Variants in HIVEP3 observed in about 807,000 individuals in gnomAD.
The protein encoded by HIVEP3 is HIVEP zinc finger 3, also known as transcription factor HIVEP3.
A neutral mutation model predicts 152.8 loss-of-function variants in HIVEP3; 49 were observed. The observed-to-expected ratio is 0.32, with a 90% CI of 0.26 to 0.41. The LOEUF is 0.41. Among genes scored for constraint, HIVEP3 ranks in the 10% least tolerant of loss-of-function variants. HIVEP3 has a pLI of 1.00. For synonymous variants in HIVEP3, 1,269 were observed against 1,289.0 expected (o/e 0.98, Z 0.33); for missense variants, 2,790 against 3,103.3 (o/e 0.90, Z 2.40).
At chr1:41,527,236 ACTCAC>A (rs372900259) in intron 5 of HIVEP3, among the ~76,000 whole-genome samples, 1,375 of 26,050 alleles carry the variant, frequency 0.053, 54 homozygotes, top group African/African-American at 0.19. Flanking sequence ...ACCCTCACAC[ACTCAC>A]CTCACACACA....
chr1:41,720,643 T>A (rs1347042304), intron 1 of HIVEP3, among the ~76,000 whole-genome samples: 1 of 152,134 alleles, frequency 6.6e-6, no homozygotes, highest in Non-Finnish European at 1.5e-5. Context: ...GTATGGAAGT[T>A]CCTCAACAAA....
chr1:42,026,337 A>G (rs1170289030), intron 1 of HIVEP3, among the ~76,000 whole-genome samples: 7 of 152,208 alleles, frequency 4.6e-5, no homozygotes, highest in South Asian at 2.1e-4. Context: ...ACTAAAGTCT[A>G]TATTTATTAG....
chr1:41,688,450 T>C (rs1646145418), intron 2 of HIVEP3, among the ~76,000 whole-genome samples: 1 of 152,220 alleles, frequency 6.6e-6, no homozygotes, highest in South Asian at 2.1e-4. Flanking sequence ...CCCACATCGG[T>C]CCCTCCCCAG....
intron 1 of HIVEP3, among the ~76,000 whole-genome samples, chr1:41,810,354 A>C (rs916440981): frequency 2.0e-5 from 3 of 152,238 alleles, no homozygotes; most frequent in African/African-American, 7.2e-5. Flanking sequence ...CTCCACAAGC[A>C]TCCTAGCATC....
intron 1 of HIVEP3, among the ~76,000 whole-genome samples, chr1:41,968,172 G>A (rs960134572): frequency 4.6e-5 from 7 of 151,902 alleles, no homozygotes; most frequent in African/African-American, 1.5e-4. Context: ...AACAGAAAAA[G>A]AGGGACTCCT....
rs1188262018 is a variant in HIVEP3 at position 41,613,247 on chromosome 1, C to A, written c.-522+15502G>T. ...GATTTCTTTCCAGAACAGGAACACA[C>A]CCCTGCCTTCCAGCCCAGGCCACTC... is the stretch of plus-strand genomic sequence containing the variant. On this transcript the variant is annotated intron_variant, in intron 3 of 8. Coordinates refer to ENST00000372583, the MANE Select transcript of HIVEP3 (RefSeq NM_024503.5). Among the ~76,000 whole-genome samples, 5 of 152,386 alleles carry A rather than the reference C, an allele frequency of 3.3e-5. No homozygotes were observed. The South Asian group carries it at 1.0e-3, about 32-fold the overall frequency.
At chr1:41,692,049 G>A (rs1451798346) in intron 2 of HIVEP3, among the ~76,000 whole-genome samples, 1 of 152,032 alleles carries the variant, frequency 6.6e-6, no homozygotes, top group African/African-American at 2.4e-5. Flanking sequence ...TCACCATGTT[G>A]GCCAGGCTGG....
chr1:41,756,998 A>T (rs1046932364), intron 1 of HIVEP3, among the ~76,000 whole-genome samples: 2 of 151,976 alleles, frequency 1.3e-5, no homozygotes, highest in African/African-American at 4.8e-5. Context: ...TCCCAGCACT[A>T]TAGAGGGCAG....
At chr1:41,738,401 T>C (rs1180561741) in intron 1 of HIVEP3, among the ~76,000 whole-genome samples, 1 of 152,144 alleles carries the variant, frequency 6.6e-6, no homozygotes, top group East Asian at 1.9e-4. Flanking sequence ...CAATTCTACT[T>C]GGAGATGTAG....
At chr1:42,007,426 A>G (rs1645466301) in intron 1 of HIVEP3, among the ~76,000 whole-genome samples, 2 of 152,212 alleles carry the variant, frequency 1.3e-5, no homozygotes, top group Non-Finnish European at 2.9e-5. Flanking sequence ...ATGGGGGAAC[A>G]CCAGCTTTAC....
intron 1 of HIVEP3, among the ~76,000 whole-genome samples, chr1:41,746,937 G>A (rs1375257542): frequency 6.6e-6 from 1 of 152,126 alleles, no homozygotes; most frequent in Non-Finnish European, 1.5e-5. Flanking sequence ...AGCAAGTCAG[G>A]AGGGCCAGCA....
chr1:41,867,723 C>G (rs558140639), intron 1 of HIVEP3, among the ~76,000 whole-genome samples: 1 of 152,222 alleles, frequency 6.6e-6, no homozygotes, highest in Non-Finnish European at 1.5e-5. Context: ...CTCTCCACTA[C>G]GAGGTGCCAT....
chr1:41,563,131 G>C (rs539711017), intron 5 of HIVEP3, among the ~76,000 whole-genome samples: 2 of 152,086 alleles, frequency 1.3e-5, no homozygotes, highest in Non-Finnish European at 2.9e-5. Context: ...CGGATCACTT[G>C]AAGTCAGGAG....
chr1:41,758,077 CACAA>C (rs1362731063), intron 1 of HIVEP3, among the ~76,000 whole-genome samples: 2 of 152,086 alleles, frequency 1.3e-5, no homozygotes, highest in Admixed American at 6.6e-5. Context: ...AGTACACAAT[CACAA>C]ACAAAGTGGA....
At chr1:41,744,557 G>A (rs570545866) in intron 1 of HIVEP3, among the ~76,000 whole-genome samples, 1 of 152,284 alleles carries the variant, frequency 6.6e-6, no homozygotes, top group South Asian at 2.1e-4. Flanking sequence ...CTATGTTTTG[G>A]TATTTAATGT....
intron 1 of HIVEP3, among the ~76,000 whole-genome samples, chr1:41,764,090 C>T (rs557310342): frequency 1.4e-5 from 2 of 143,492 alleles, no homozygotes; most frequent in African/African-American, 2.5e-5. Flanking sequence ...GAAAAGCAGT[C>T]GGATATGAGA....
At chr1:41,893,056 G>T (rs750815097) in intron 1 of HIVEP3, among the ~76,000 whole-genome samples, 41 of 150,100 alleles carry the variant, frequency 2.7e-4, no homozygotes, top group Non-Finnish European at 5.3e-4. Flanking sequence ...CCGCAAGGTT[G>T]AGGCTGTAGC....
chr1:41,615,798 C>CAA (rs1644959688), intron 3 of HIVEP3, among the ~76,000 whole-genome samples: 1 of 140,280 alleles, frequency 7.1e-6, no homozygotes, highest in Non-Finnish European at 1.5e-5. Flanking sequence ...GCAGGGCTTC[C>CAA]ACTGTATTTG....
chr1:41,746,057 T>C (rs1647066874), intron 1 of HIVEP3, among the ~76,000 whole-genome samples: 1 of 152,228 alleles, frequency 6.6e-6, no homozygotes, highest in Non-Finnish European at 1.5e-5. Flanking sequence ...CTGGCCCTAA[T>C]CATGCATTGG....
Sources: gnomAD v4.1 joint callset for allele counts (sites outside exome capture counted in the v4.1 genomes callset) on GRCh38, gnomAD v4.1.1 for gene constraint, MANE v1.5 for transcripts, NCBI Gene and HGNC (gene_info 2026-07-23, HGNC 2026-07-21) for gene names.